The following HIPK2 variants were observed in gnomAD, a reference collection of about 807,000 sequenced individuals.
HIPK2 encodes the protein homeodomain interacting protein kinase 2.
Under a neutral mutation model 113.7 loss-of-function variants are expected in HIPK2, and 27 were observed. The ratio of observed to expected loss-of-function variants is 0.24; its 90% CI spans 0.17 to 0.33. The LOEUF (loss-of-function observed/expected upper bound fraction) is 0.33, where lower values mean the gene tolerates loss of function less well. HIPK2 is among the 10% of genes least tolerant of loss of function. The pLI is 1.00. For synonymous variants in HIPK2, 631 were observed against 642.2 expected, an observed-to-expected ratio of 0.98 and a Z score of 0.26; for missense variants, 1,257 against 1,588.0, an observed-to-expected ratio of 0.79 and a Z score of 3.54.
intron 1 of HIPK2, among the ~76,000 whole-genome samples, chr7:139,763,648 T>C (rs1303642031): frequency 1.3e-5 from 2 of 152,330 alleles, no homozygotes; most frequent in South Asian, 2.1e-4. Flanking sequence ...GGGATGGCAG[T>C]GGAGACAGAA....
At chr7:139,672,791 T>A (rs751558135) in intron 2 of HIPK2, among the ~76,000 whole-genome samples, 1 of 152,206 alleles carries the variant, frequency 6.6e-6, no homozygotes, top group Non-Finnish European at 1.5e-5. Context: ...TTCTGGTGAT[T>A]AATTAGAATC....
At chr7:139,677,212 T>C (rs898833128) in intron 2 of HIPK2, among the ~76,000 whole-genome samples, 2 of 151,606 alleles carry the variant, frequency 1.3e-5, no homozygotes, top group Admixed American at 6.6e-5. Context: ...TGTGTGTGTA[T>C]GTAGAGAGAG....
rs185541787 is a variant in HIPK2 at position 139,742,482 on chromosome 7, A to G, written c.20-25467T>C. Reference sequence around the variant, plus strand: ...GATATACAATATGCTCTGAAGCCCAAATTTATTTACCAAAGGGAAACTTCT... The same window carrying G: ...GATATACAATATGCTCTGAAGCCCAGATTTATTTACCAAAGGGAAACTTCT... On this transcript the variant is annotated intron_variant, in intron 1 of 14. Coordinates refer to ENST00000406875, the MANE Select transcript of HIPK2 (RefSeq NM_022740.5). Among the ~76,000 whole-genome samples, 658 of 152,324 alleles carry G rather than the reference A, an allele frequency of 4.3e-3. 3 individuals carry two copies. Among genetic ancestry groups the G allele is most frequent in the Non-Finnish European group, 6.8e-3 (460 of 68,026 alleles).
chr7:139,635,714 C>T (rs745329464), intron 2 of HIPK2, among the ~76,000 whole-genome samples: 2 of 152,078 alleles, frequency 1.3e-5, no homozygotes, highest in African/African-American at 2.4e-5. Context: ...TCTGATGCTG[C>T]GAAAGCCACA....
chr7:139,572,996 C>G lies in HIPK2; in HGVS notation c.3528G>C (p.Ser1176=). 1 of 1,459,868 alleles carries G rather than the reference C, an allele frequency of 6.8e-7. No individual in the cohort carries two copies. The highest frequency in any genetic ancestry group is 9.2e-7 in the Non-Finnish European group (1 of 1,084,910). The allele number at this position is 1,459,868 out of a possible 1,614,324, so 90.4% of individuals were successfully genotyped here. A position where few individuals can be genotyped will look rare whatever the true frequency, so the allele number is the denominator to read the frequency against. ...ATCCAGTGTAGACGGTGGAGGCTGG[C>G]GAGGCGCTGATGTAGGTCTGGTGGG... is the stretch of plus-strand genomic sequence containing the variant. The part of the protein sequence containing the change: ...QFAHQTYISA[S]PASTVYTGYP... Residue 1176 remains serine (S), a synonymous_variant, in exon 15 of 15, where the codon TCG becomes TCC. Transcript: ENST00000406875.
In HIPK2 at chr7:139,757,598, G is replaced by T. The variant is rs200725175; in HGVS notation, c.19+20007C>A. ...GATGAACCTTGATAACAAGCTAAGT[G>T]AAAGAAGCCAGCTGCAAAAGACCAT... On this transcript the variant is annotated intron_variant, in intron 1 of 14. Transcript: ENST00000406875. 1.4e-4 allele frequency among the ~76,000 whole-genome samples: 21 copies of T among 152,282 alleles called. No individual in the cohort carries two copies. In the East Asian group the frequency reaches 3.9e-3, roughly 28 times the overall value.
At chr7:139,646,396 A>C (rs1801225249) in intron 2 of HIPK2, among the ~76,000 whole-genome samples, 1 of 149,418 alleles carries the variant, frequency 6.7e-6, no homozygotes, top group African/African-American at 2.4e-5. Flanking sequence ...GCTACTCAGG[A>C]GGCTGAGGTA....
At chr7:139,604,683 CAAAAAAA>C (rs11353760) in intron 9 of HIPK2, among the ~76,000 whole-genome samples, 4 of 48,770 alleles carry the variant, frequency 8.2e-5, no homozygotes, top group African/African-American at 2.3e-4. Context: ...GACTCCGTCT[CAAAAAAA>C]AAAAAAAAAA....
intron 2 of HIPK2, among the ~76,000 whole-genome samples, chr7:139,702,919 G>C (rs1794755401): frequency 6.6e-6 from 1 of 152,182 alleles, no homozygotes; most frequent in Non-Finnish European, 1.5e-5. Flanking sequence ...ATAAACTAAA[G>C]AAACTGCATG....
At chr7:139,663,213 G>T (rs1801926241) in intron 2 of HIPK2, among the ~76,000 whole-genome samples, 1 of 152,186 alleles carries the variant, frequency 6.6e-6, no homozygotes, top group Admixed American at 6.5e-5. Flanking sequence ...CCCAGTTCTG[G>T]TCTCCACTGA....
chr7:139,713,124 G>C (rs1795119820), intron 2 of HIPK2, among the ~76,000 whole-genome samples: 2 of 152,126 alleles, frequency 1.3e-5, no homozygotes, highest in African/African-American at 4.8e-5. Flanking sequence ...AGAGGGATGT[G>C]GGGACACAGG....
intron 10 of HIPK2, among the ~76,000 whole-genome samples, chr7:139,602,021 C>T (rs1355798355): frequency 3.5e-5 from 5 of 143,282 alleles, no homozygotes; most frequent in East Asian, 4.1e-4. Flanking sequence ...GGTGCGATCT[C>T]GGCTCACTGC....
chr7:139,671,396 A>AT (rs1802291434), intron 2 of HIPK2, among the ~76,000 whole-genome samples: 1 of 152,158 alleles, frequency 6.6e-6, no homozygotes, highest in Admixed American at 6.6e-5. Flanking sequence ...CTAGCGTGAC[A>AT]TTTTTTCTAA....
chr7:139,673,136 A>T (rs1248332673), intron 2 of HIPK2, among the ~76,000 whole-genome samples: 1 of 150,402 alleles, frequency 6.6e-6, no homozygotes, highest in Non-Finnish European at 1.5e-5. Flanking sequence ...GATGGGAGGG[A>T]AGATGGCCAC....
rs75154296 is a variant in HIPK2, at chr7:139,593,390, A to G, written c.2717+3327T>C. Reference sequence around the variant, plus strand: ...TGTCTTTAGCTCAGTGTCTCCCAGCATCTGCCTCCAACATGCCCTGGAGTT... The same window carrying G: ...TGTCTTTAGCTCAGTGTCTCCCAGCGTCTGCCTCCAACATGCCCTGGAGTT... On this transcript the variant is annotated intron_variant, in intron 12 of 14. Coordinates refer to ENST00000406875, the MANE Select transcript of HIPK2 (RefSeq NM_022740.5). 8.2e-3 allele frequency among the ~76,000 whole-genome samples: 1,251 copies of G among 152,344 alleles called. 18 individuals carry two copies. The highest frequency in any genetic ancestry group is 0.029 in the African/African-American group (1,185 of 41,578).
At chr7:139,665,028 T>TC (rs1484795719) in intron 2 of HIPK2, among the ~76,000 whole-genome samples, 1 of 131,176 alleles carries the variant, frequency 7.6e-6, no homozygotes, top group East Asian at 2.8e-4. Context: ...TTACCCTTCT[T>TC]CTTTCTCTCT....
In HIPK2 at chr7:139,777,700, C is replaced by G. The variant is rs960080702; in HGVS notation, c.-77G>C. ...CGAGCTCGGCCCCCCCAGCCTCAGT[C>G]GGAATCTGCCATCTTGAGCCTGTGT... On this transcript the variant is annotated 5_prime_UTR_variant, in exon 1 of 15. Transcript: ENST00000406875. The G allele has an allele frequency of 9.6e-7, 1 of 1,043,530 alleles. No homozygotes were observed. The allele number at this position is 1,043,530 out of a possible 1,614,324, so 64.6% of individuals were successfully genotyped here.
Position 139,567,847 on chromosome 7 carries a change from C to T in HIPK2, c.*5080G>A, listed in dbSNP as rs1375673059. On this transcript the variant is annotated 3_prime_UTR_variant, in exon 15 of 15. Transcript: ENST00000406875. ...CTGTCCTAGGGTCTACTTGACAGGC[C>T]AACAAGAGTGGTGGTCCCACACCCC... The T allele has an allele frequency of 6.6e-6, 1 of 152,220 alleles. No homozygotes were observed. The highest frequency in any genetic ancestry group is 1.5e-5 in the Non-Finnish European group (1 of 68,068). The allele number at this position is 152,220 out of a possible 1,614,324, so 9.4% of individuals were successfully genotyped here. A position where few individuals can be genotyped will look rare whatever the true frequency, so the allele number is the denominator to read the frequency against.
intron 2 of HIPK2, among the ~76,000 whole-genome samples, chr7:139,638,499 T>C (rs762972165): frequency 1.2e-4 from 19 of 152,118 alleles, no homozygotes; most frequent in Non-Finnish European, 2.6e-4. Flanking sequence ...CTTAAAGAAT[T>C]TCCTCATCGC....
Sources: allele counts gnomAD v4.1 joint callset (sites outside exome capture counted in the v4.1 genomes callset), GRCh38; gene constraint gnomAD v4.1.1; transcripts MANE v1.5; gene names NCBI Gene and HGNC (gene_info 2026-07-23, HGNC 2026-07-21).